The following SLC35D1 variants were observed in gnomAD, a reference collection of about 807,000 sequenced individuals.
SLC35D1 encodes the protein nucleotide sugar transporter SLC35D1.
Under a neutral mutation model 46.7 loss-of-function variants are expected in SLC35D1, and 31 were observed. The ratio of observed to expected loss-of-function variants is 0.66; its 90% CI spans 0.50 to 0.90. The LOEUF (loss-of-function observed/expected upper bound fraction) is 0.90. Ranked by LOEUF, SLC35D1 falls within the 40% of genes least tolerant of loss-of-function variation. SLC35D1 has a pLI of 0.00. For missense variants in SLC35D1, 397 were observed against 426.2 expected, an observed-to-expected ratio of 0.93 and a Z score of 0.60; for synonymous variants, 195 against 164.6, an observed-to-expected ratio of 1.18 and a Z score of -1.41.
At chr1:67,026,816 G>GA (rs755282266) in intron 8 of SLC35D1, among the ~76,000 whole-genome samples, 22 of 152,248 alleles carry the variant, frequency 1.4e-4, no homozygotes, top group Non-Finnish European at 2.5e-4. Context: ...GAGGCCTCAG[G>GA]AAACTTACAA....
rs575735468 is a variant in SLC35D1, at chr1:67,035,504, T to C, written c.729+6732A>G. Among the ~76,000 whole-genome samples, 378 of 152,248 alleles carry C rather than the reference T, an allele frequency of 2.5e-3. 1 individual carries two copies. Among genetic ancestry groups the C allele is most frequent in the Non-Finnish European group, 4.5e-3 (306 of 67,996 alleles). ...CACAGTTGCTCATAGTAGCCAATAATGATCTTTTGAATTTCTGTGGTATCA... is the reference window on the plus strand; with the variant it reads ...CACAGTTGCTCATAGTAGCCAATAACGATCTTTTGAATTTCTGTGGTATCA... On this transcript the variant is annotated intron_variant, in intron 8 of 11. Coordinates refer to ENST00000235345, the MANE Select transcript of SLC35D1 (RefSeq NM_015139.3).
downstream of SLC35D1, among the ~76,000 whole-genome samples, chr1:66,997,519 A>AAAAATAT (rs1553262615): frequency 5.7e-4 from 42 of 74,030 alleles, no homozygotes; most frequent in Admixed American, 8.1e-4. Flanking sequence ...AAAAAAAAAA[A>AAAAATAT]ATATATATAT....
intron 1 of SLC35D1, 73 bp downstream of exon 1, chr1:67,053,738 G>T (rs1047435965): frequency 5.5e-5 from 74 of 1,339,490 alleles, no homozygotes; most frequent in Non-Finnish European, 7.2e-5. Flanking sequence ...TCAAAGTCCA[G>T]GGAGCCGGCG....
intron 7 of SLC35D1, among the ~76,000 whole-genome samples, chr1:67,044,197 G>A (rs758627962): frequency 5.3e-5 from 8 of 151,934 alleles, no homozygotes; most frequent in Non-Finnish European, 7.4e-5. Flanking sequence ...TTAGCCTGGC[G>A]TGGTGGTGCA....
chr1:66,976,805 A>T, the SLC35D1 span: 1 of 1,225,946 alleles, frequency 8.2e-7, no homozygotes, highest in Non-Finnish European at 1.1e-6. Flanking sequence ...TATTATTTTG[A>T]TAATCTTGCT....
intron 11 of SLC35D1, among the ~76,000 whole-genome samples, chr1:67,005,682 T>C (rs1667433767): frequency 6.6e-6 from 1 of 152,174 alleles, no homozygotes; most frequent in Non-Finnish European, 1.5e-5. Flanking sequence ...ATTTTATAGA[T>C]GAGGAAAGTC....
chr1:67,008,588 C>T, intron 11 of SLC35D1: 1 of 585,812 alleles, frequency 1.7e-6, no homozygotes, highest in Non-Finnish European at 2.5e-6. Flanking sequence ...TGCTCTGATC[C>T]ACTTTTGATC....
intron 10 of SLC35D1, among the ~76,000 whole-genome samples, chr1:67,016,632 TACA>T (rs1477318631): frequency 6.6e-6 from 1 of 152,156 alleles, no homozygotes; most frequent in Non-Finnish European, 1.5e-5. Flanking sequence ...ATTTATAATT[TACA>T]ACAATTGGGT....
chr1:67,035,063 G>A (rs1668093759), intron 8 of SLC35D1, among the ~76,000 whole-genome samples: 2 of 152,008 alleles, frequency 1.3e-5, no homozygotes, highest in South Asian at 4.1e-4. Context: ...GTTGAATTTG[G>A]TTTGCTAGTA....
At chr1:66,973,938 C>T in the SLC35D1 span, among the ~76,000 whole-genome samples, 1 of 152,000 alleles carries the variant, frequency 6.6e-6, no homozygotes, top group African/African-American at 2.4e-5. Flanking sequence ...AGTCTTCTGC[C>T]ACAGCTCTCT....
rs141548398 is a variant in SLC35D1 at position 67,026,466 on chromosome 1, C to T, written c.730-4864G>A. ...GATTTTGGCAGAAGGTAATCCTAGC[C>T]ATATAAAATCAACAAGGAAGTGTTC... On this transcript the variant is annotated intron_variant, in intron 8 of 11. Coordinates refer to ENST00000235345, the MANE Select transcript of SLC35D1 (RefSeq NM_015139.3). Among the ~76,000 whole-genome samples the T allele has an allele frequency of 2.7e-3, 407 of 152,158 alleles. 4 individuals carry two copies. The highest frequency in any genetic ancestry group is 0.018 in the South Asian group (86 of 4,824).
chr1:67,047,480 T>C, intron 6 of SLC35D1, 113 bp from the exon 7 acceptor site: 1 of 921,900 alleles, frequency 1.1e-6, no homozygotes, highest in Non-Finnish European at 1.7e-6. Flanking sequence ...GAAGTGAATA[T>C]TAGGCATTTT....
chr1:67,008,197 G>A (rs1667488614), intron 11 of SLC35D1, among the ~76,000 whole-genome samples: 2 of 152,088 alleles, frequency 1.3e-5, no homozygotes, highest in Admixed American at 6.5e-5. Context: ...GGAGTGCAGC[G>A]GCGCAATCTC....
intron 11 of SLC35D1, 59 bp from the exon 12 acceptor site, chr1:67,004,507 T>C (rs1667406195): frequency 6.9e-7 from 1 of 1,458,336 alleles, no homozygotes; most frequent in African/African-American, 1.4e-5. Flanking sequence ...GTGTAAACAC[T>C]CTACTCAGTA....
At chr1:66,985,999 T>C in the SLC35D1 span, 7 of 989,800 alleles carry the variant, frequency 7.1e-6, no homozygotes, top group Non-Finnish European at 8.4e-6. Context: ...CTGACCAGAA[T>C]CCTGTTATTT....
In SLC35D1 at chr1:67,047,221, C is replaced by G. The variant is rs781171497; in HGVS notation, c.636+44G>C. On this transcript the variant is annotated intron_variant, in intron 7 of 11. Coordinates refer to ENST00000235345, the MANE Select transcript of SLC35D1 (RefSeq NM_015139.3). ...ACTTTTTCTCCTATGAATTGACATG[C>G]CAACATCAGTACACAACTGTTAAAG... is the stretch of plus-strand genomic sequence containing the variant. The G allele has an allele frequency of 4.1e-6, 6 of 1,474,046 alleles. No homozygotes were observed. The South Asian group carries it at 5.7e-5, about 14-fold the overall frequency. The allele number at this position is 1,474,046 out of a possible 1,614,324, so 91.3% of individuals were successfully genotyped here.
At chr1:67,005,989 A>T (rs1279016623) in intron 11 of SLC35D1, among the ~76,000 whole-genome samples, 1 of 152,034 alleles carries the variant, frequency 6.6e-6, no homozygotes, top group Non-Finnish European at 1.5e-5. Context: ...GGCCTCATGA[A>T]CCCAATTCTT....
chr1:67,032,194 T>C (rs2102315518), intron 8 of SLC35D1: 3 of 567,494 alleles, frequency 5.3e-6, no homozygotes, highest in South Asian at 7.7e-5. Context: ...GCCAGTATAA[T>C]GTAAATACCC....
chr1:66,978,132 G>A, the SLC35D1 span, among the ~76,000 whole-genome samples: 2 of 150,852 alleles, frequency 1.3e-5, no homozygotes, highest in African/African-American at 2.4e-5. Flanking sequence ...GGAGGCGGAG[G>A]TTGCAGTGAG....
Sources: gnomAD v4.1 joint callset for allele counts (sites outside exome capture counted in the v4.1 genomes callset) on GRCh38, gnomAD v4.1.1 for gene constraint, MANE v1.5 for transcripts, NCBI Gene and HGNC (gene_info 2026-07-23, HGNC 2026-07-21) for gene names.